Variants in AFF2 observed in about 807,000 individuals in gnomAD.
AFF2 encodes the protein AF4/FMR2 family member 2.
In AFF2, 14 loss-of-function variants were observed where a neutral mutation model predicts 76.9. The ratio of observed to expected loss-of-function variants is 0.18; its 90% CI spans 0.12 to 0.28. The LOEUF is 0.28. AFF2 is among the 10% of genes least tolerant of loss of function. The pLI, the probability that AFF2 is intolerant of heterozygous loss-of-function variation, is 1.00. For missense variants in AFF2, 868 were observed against 1,001.1 expected, an observed-to-expected ratio of 0.87 and a Z score of 1.79; for synonymous variants, 398 against 366.7, an observed-to-expected ratio of 1.09 and a Z score of -0.98.
intron 4 of AFF2, among the ~76,000 whole-genome samples, chrX:148,828,100 T>C (rs2070410878): frequency 8.9e-6 from 1 of 111,797 alleles, no homozygotes; most frequent in Admixed American, 9.5e-5. Context: ...TTTTAAGTGA[T>C]GGTCATTGGA....
intron 2 of AFF2, among the ~76,000 whole-genome samples, chrX:148,653,214 T>C (rs782544028): frequency 8.9e-6 from 1 of 111,870 alleles, no homozygotes; most frequent in African/African-American, 3.2e-5. Context: ...TTTCAATCTG[T>C]CAGTAATAGT....
chrX:148,991,324 T>C lies in AFF2; in HGVS notation c.3928T>C (p.Leu1310=), dbSNP rs1557292243. 1.7e-6 allele frequency: 2 copies of C among 1,204,403 alleles called. No homozygotes were observed. The highest frequency in any genetic ancestry group is 3.5e-5 in the African/African-American group (2 of 57,625). ...GTGTTGGCTGCGCATCGATGCCCAC[T>C]TGTTGTAGTGGGTGTTCTCAGATCT... ...GLCWLRIDAH[L]L Residue 1310 remains leucine, a synonymous_variant, in exon 21 of 21, where the codon TTG becomes CTG. Transcript: ENST00000370460.
chrX:148,688,779 T>C (rs2054623521), intron 3 of AFF2, among the ~76,000 whole-genome samples: 1 of 111,650 alleles, frequency 9.0e-6, no homozygotes, highest in Non-Finnish European at 1.9e-5. Context: ...ATCCTATTGC[T>C]CCTAGTCTAC....
chrX:148,809,688 C>T lies in AFF2; in HGVS notation c.1042-188C>T, dbSNP rs187564012. Among the ~76,000 whole-genome samples, 8 of 111,709 alleles carry T rather than the reference C, an allele frequency of 7.2e-5. No individual in the cohort carries two copies. In the East Asian group the frequency reaches 2.3e-3, roughly 32 times the overall value. ...ACAAGGAGTCACTTTATTTCTGCAC[C>T]ATGCACTGCGATCTTACCGCTTCAT... On this transcript the variant is annotated intron_variant, in intron 3 of 20. Transcript: ENST00000370460.
chrX:148,519,455 T>C (rs1223258349), intron 1 of AFF2, among the ~76,000 whole-genome samples: 1 of 111,785 alleles, frequency 8.9e-6, no homozygotes, highest in African/African-American at 3.3e-5. Context: ...GTACTAGACA[T>C]CTCCCACTCA....
rs1311137613 is a variant in AFF2 at position 148,693,361 on chromosome X, C to T, written c.1041+30593C>T. Among the ~76,000 whole-genome samples, 4 of 111,563 alleles carry T rather than the reference C, an allele frequency of 3.6e-5. No individual in the cohort carries two copies. In the East Asian group the frequency reaches 8.5e-4, roughly 24 times the overall value. ...ACTCAGTGGAGGGCAGCCAGCAGCC[C>T]GCTCTCCCAGAAGATGAAAGAATTA... On this transcript the variant is annotated intron_variant, in intron 3 of 20. Transcript: ENST00000370460.
At chrX:148,685,996 A>G (rs2054598231) in intron 3 of AFF2, among the ~76,000 whole-genome samples, 1 of 110,176 alleles carries the variant, frequency 9.1e-6, no homozygotes. Context: ...CCTATCTGTA[A>G]CCATTTTTCT....
intron 15 of AFF2, 77 bp from the exon 16 acceptor site, chrX:148,973,394 C>T: frequency 8.7e-7 from 1 of 1,149,187 alleles, no homozygotes; most frequent in Non-Finnish European, 1.2e-6. Flanking sequence ...CAAAACTACC[C>T]CCCAGTTTCA....
At chrX:148,936,124 A>T (rs1281327451) in intron 9 of AFF2, among the ~76,000 whole-genome samples, 2 of 111,331 alleles carry the variant, frequency 1.8e-5, no homozygotes, top group Non-Finnish European at 3.8e-5. Flanking sequence ...TTTTAAGTGC[A>T]AATGAGACAC....
In AFF2 at chrX:148,812,510, G is replaced by A. The variant is rs782390714; in HGVS notation, c.1086+2590G>A. 7.2e-5 allele frequency among the ~76,000 whole-genome samples: 8 copies of A among 110,627 alleles called. No individual in the cohort carries two copies. The East Asian group carries it at 2.0e-3, about 28-fold the overall frequency. ...AGAAGCATGCGCTAGTTATTACCCC[G>A]CCCATCTCTCTACCCACCTCCAATG... On this transcript the variant is annotated intron_variant, in intron 4 of 20. Transcript: ENST00000370460.
chrX:148,817,120 G>GA (rs2070275591), intron 4 of AFF2, among the ~76,000 whole-genome samples: 4 of 110,884 alleles, frequency 3.6e-5, no homozygotes, highest in Admixed American at 1.9e-4. Flanking sequence ...TTAAAAAATA[G>GA]ATAAATCAGG....
In AFF2 at chrX:148,686,277, C is replaced by G. The variant is rs954495953; in HGVS notation, c.1041+23509C>G. Among the ~76,000 whole-genome samples, 5 of 111,585 alleles carry G rather than the reference C, an allele frequency of 4.5e-5. No homozygotes were observed. In the Admixed American group the frequency reaches 4.8e-4, roughly 11 times the overall value. The stretch of plus-strand genomic sequence containing the variant: ...CGAGCAATGGGGTGAAACCATTGAT[C>G]TTATTTTACATATGCTGAATGAAAG... On this transcript the variant is annotated intron_variant, in intron 3 of 20. Transcript: ENST00000370460.
chrX:148,956,525 A>T lies in AFF2; in HGVS notation c.2480A>T (p.Asp827Val). Residue 827 changes from aspartate to valine, a missense_variant, in exon 11 of 21, where the codon GAC becomes GTC. Around this residue, in one of 6 missense-constraint regions of AFF2, gnomAD observed 532 missense variants for 564.2 expected, o/e 0.94. Transcript: ENST00000370460. ...CTCCATGCAGCACCTGCCAAGCCAGACCACAAGGAGACTGCCACAAAACCC... is the reference window on the plus strand; with the variant it reads ...CTCCATGCAGCACCTGCCAAGCCAGTCCACAAGGAGACTGCCACAAAACCC... ...SSLHAAPAKP[D>V]HKETATKPKR... The T allele has an allele frequency of 3.3e-6, 4 of 1,212,064 alleles. No homozygotes were observed. The highest frequency in any genetic ancestry group is 4.5e-6 in the Non-Finnish European group (4 of 895,551).
chrX:148,518,083 G>A (rs1403378014), intron 1 of AFF2, among the ~76,000 whole-genome samples: 1 of 111,505 alleles, frequency 9.0e-6, no homozygotes, highest in Admixed American at 9.5e-5. Flanking sequence ...TATTAATGGG[G>A]CATCCCAAGA....
chrX:148,677,343 T>C (rs1340979115), intron 3 of AFF2, among the ~76,000 whole-genome samples: 1 of 111,770 alleles, frequency 8.9e-6, no homozygotes, highest in African/African-American at 3.2e-5. Context: ...ATTTGATTAA[T>C]GTTTGCACAG....
At chrX:148,617,179 C>A (rs2053817562) in intron 1 of AFF2, among the ~76,000 whole-genome samples, 1 of 111,739 alleles carries the variant, frequency 8.9e-6, no homozygotes, top group South Asian at 3.7e-4. Context: ...AACTAGTTGA[C>A]AGTCCCACCA....
intron 1 of AFF2, chrX:148,546,856 T>C (rs1557238231): frequency 8.9e-6 from 1 of 112,220 alleles, no homozygotes; most frequent in Non-Finnish European, 1.9e-5. Context: ...GCTTTGTATT[T>C]GCTGTGGCCA....
Position 148,516,919 on chromosome X carries a change from T to C in AFF2, c.47+15775T>C, listed in dbSNP as rs143004377. The stretch of plus-strand genomic sequence containing the variant: ...TGGGTCCTAGTATTATTCATTCCAC[T>C]CTAATACTACATCATTGAATAGCTA... On this transcript the variant is annotated intron_variant, in intron 1 of 20. Coordinates refer to ENST00000370460, the MANE Select transcript of AFF2 (RefSeq NM_002025.4). Among the ~76,000 whole-genome samples the C allele has an allele frequency of 9.8e-3, 1,098 of 112,017 alleles. 16 individuals are homozygous for C. Among genetic ancestry groups the C allele is most frequent in the African/African-American group, 0.034 (1,047 of 30,794 alleles).
intron 9 of AFF2, among the ~76,000 whole-genome samples, chrX:148,913,834 A>G (rs1433511071): frequency 8.9e-6 from 1 of 112,240 alleles, no homozygotes; most frequent in East Asian, 2.8e-4. Context: ...TTACACCTAG[A>G]ATTTTATTTC....
Sources: allele counts gnomAD v4.1 joint callset (sites outside exome capture counted in the v4.1 genomes callset), GRCh38; gene constraint gnomAD v4.1.1; regional missense constraint gnomAD v4.1.1; transcripts MANE v1.5; gene names NCBI Gene and HGNC (gene_info 2026-07-23, HGNC 2026-07-21).